Variants in POU6F2 observed in about 807,000 individuals in gnomAD.
POU6F2 encodes POU domain, class 6, transcription factor 2.
In POU6F2, 31 loss-of-function variants were observed where a neutral mutation model predicts 71.3. The observed-to-expected ratio is 0.43, with a 90% CI of 0.33 to 0.59. The LOEUF is 0.59. Ranked by LOEUF, POU6F2 falls within the 20% of genes least tolerant of loss-of-function variation. The probability of loss-of-function intolerance (pLI) is 0.04; values close to 1 mark genes in which losing one functional copy is unlikely to be tolerated. For missense variants in POU6F2, 783 were observed against 856.8 expected (o/e 0.91, Z 1.07); for synonymous variants, 347 against 355.7 (o/e 0.98, Z 0.27).
At chr7:39,180,270 A>C (rs1376064972) in intron 2 of POU6F2, among the ~76,000 whole-genome samples, 3 of 152,246 alleles carry the variant, frequency 2.0e-5, no homozygotes, top group Admixed American at 6.5e-5. Context: ...CCGAAGATTT[A>C]ATGAGATATT....
At chr7:39,221,095 G>T (rs1794345637) in intron 4 of POU6F2, among the ~76,000 whole-genome samples, 1 of 151,952 alleles carries the variant, frequency 6.6e-6, no homozygotes, top group Non-Finnish European at 1.5e-5. Flanking sequence ...ATTTTAAATT[G>T]CATGGGTGGC....
At chr7:39,249,502 C>T (rs371113970) in intron 4 of POU6F2, among the ~76,000 whole-genome samples, 14 of 152,262 alleles carry the variant, frequency 9.2e-5, no homozygotes, top group African/African-American at 2.4e-4. Context: ...GATTACATTA[C>T]GCCTTTGATT....
In POU6F2 at chr7:39,313,257, C is replaced by T. The variant is rs115014378; in HGVS notation, c.599-26385C>T. 4.5e-3 allele frequency among the ~76,000 whole-genome samples: 687 copies of T among 152,296 alleles called. 3 individuals carry two copies. The highest frequency in any genetic ancestry group is 0.016 in the African/African-American group (654 of 41,574). On this transcript the variant is annotated intron_variant, in intron 4 of 9. Coordinates refer to ENST00000518318, the MANE Select transcript of POU6F2 (RefSeq NM_001370959.1). ...CAACCCAACCACACCTCAGGCCTTGCACCATTGCCTCTGCCTCAAGGGTTC... is the reference window on the plus strand; with the variant it reads ...CAACCCAACCACACCTCAGGCCTTGTACCATTGCCTCTGCCTCAAGGGTTC...
At chr7:39,160,710 TG>T (rs1252105105) in intron 2 of POU6F2, among the ~76,000 whole-genome samples, 1 of 152,194 alleles carries the variant, frequency 6.6e-6, no homozygotes, top group African/African-American at 2.4e-5. Context: ...ATTAATTCTT[TG>T]GGATTAACTT....
In POU6F2 at chr7:39,163,604, C is replaced by A. The variant is rs79347467; in HGVS notation, c.278-40631C>A. ...TCTATTAAAATAAAAAATAAATAAA[C>A]CTCTCTTGGTTTCAGTTTCATCTTT... On this transcript the variant is annotated intron_variant, in intron 2 of 9. Transcript: ENST00000518318. Among the ~76,000 whole-genome samples, 459 of 152,306 alleles carry A rather than the reference C, an allele frequency of 3.0e-3. 7 individuals carry two copies. Among genetic ancestry groups the A allele is most frequent in the East Asian group, 0.019 (97 of 5,180 alleles).
chr7:39,193,717 C>G (rs927235479), intron 2 of POU6F2, among the ~76,000 whole-genome samples: 9 of 152,174 alleles, frequency 5.9e-5, no homozygotes, highest in African/African-American at 2.2e-4. Context: ...TCGATGGCAG[C>G]TATTGCAAAA....
At chr7:39,252,140 A>G (rs1390607341) in intron 4 of POU6F2, among the ~76,000 whole-genome samples, 1 of 151,998 alleles carries the variant, frequency 6.6e-6, no homozygotes, top group East Asian at 1.9e-4. Context: ...AGATCAGCAC[A>G]TCATGAGAAA....
At chr7:39,144,241 A>T (rs1375958346) in intron 2 of POU6F2, among the ~76,000 whole-genome samples, 1 of 152,218 alleles carries the variant, frequency 6.6e-6, no homozygotes, top group Non-Finnish European at 1.5e-5. Flanking sequence ...TATGATAAGA[A>T]GTATTGAGAT....
intron 2 of POU6F2, among the ~76,000 whole-genome samples, chr7:39,165,951 G>A (rs1307946333): frequency 6.6e-6 from 1 of 152,162 alleles, no homozygotes; most frequent in Non-Finnish European, 1.5e-5. Flanking sequence ...TTTGTAGTAA[G>A]CAAACCACAT....
chr7:39,327,361 T>C (rs972497108), intron 4 of POU6F2, among the ~76,000 whole-genome samples: 6 of 152,144 alleles, frequency 3.9e-5, no homozygotes, highest in Admixed American at 6.5e-5. Context: ...TTTTTATCAG[T>C]CAAGGATGTT....
chr7:39,353,564 G>A (rs906163691), intron 5 of POU6F2, among the ~76,000 whole-genome samples: 4 of 152,208 alleles, frequency 2.6e-5, no homozygotes, highest in Admixed American at 6.5e-5. Context: ...CACTTATGGG[G>A]TGATCCATGT....
At chr7:39,281,868 G>A (rs1227151660) in intron 4 of POU6F2, among the ~76,000 whole-genome samples, 3 of 152,004 alleles carry the variant, frequency 2.0e-5, no homozygotes, top group South Asian at 2.1e-4. Context: ...AATTTTTTTA[G>A]TAAACCCCAT....
intron 4 of POU6F2, among the ~76,000 whole-genome samples, chr7:39,253,283 A>T (rs1191548639): frequency 1.3e-5 from 2 of 152,194 alleles, no homozygotes; most frequent in African/African-American, 4.8e-5. Flanking sequence ...TCTTTGCCTC[A>T]TGCTAGAATC....
chr7:39,026,958 C>T (rs1789820143), intron 1 of POU6F2, among the ~76,000 whole-genome samples: 1 of 152,146 alleles, frequency 6.6e-6, no homozygotes, highest in South Asian at 2.1e-4. Flanking sequence ...AGTGTCTCCT[C>T]TGATACTCAG....
chr7:39,443,169 C>T (rs1788444304), intron 7 of POU6F2, among the ~76,000 whole-genome samples: 1 of 152,154 alleles, frequency 6.6e-6, no homozygotes, highest in Non-Finnish European at 1.5e-5. Flanking sequence ...GCTAGTCTAA[C>T]CACCACCACT....
chr7:39,188,233 A>T (rs1318751581), intron 2 of POU6F2, among the ~76,000 whole-genome samples: 1 of 152,222 alleles, frequency 6.6e-6, no homozygotes, highest in African/African-American at 2.4e-5. Flanking sequence ...TAAATAACTT[A>T]TCAAAAATCA....
At chr7:39,450,038 G>T (rs1350751938) in intron 7 of POU6F2, among the ~76,000 whole-genome samples, 1 of 152,174 alleles carries the variant, frequency 6.6e-6, no homozygotes, top group Non-Finnish European at 1.5e-5. Context: ...GTGGTTTCAC[G>T]TGTGTACACA....
intron 2 of POU6F2, among the ~76,000 whole-genome samples, chr7:39,170,442 G>A (rs1215154971): frequency 6.6e-6 from 1 of 152,118 alleles, no homozygotes; most frequent in Non-Finnish European, 1.5e-5. Context: ...ATATGGCTAG[G>A]ACAACTAAAA....
intron 2 of POU6F2, among the ~76,000 whole-genome samples, chr7:39,186,169 T>C (rs1327258394): frequency 6.6e-6 from 1 of 152,132 alleles, no homozygotes; most frequent in African/African-American, 2.4e-5. Context: ...AATGAACAAA[T>C]TTCAGATGAT....
Sources: gnomAD v4.1 joint callset for allele counts (sites outside exome capture counted in the v4.1 genomes callset) on GRCh38, gnomAD v4.1.1 for gene constraint, MANE v1.5 for transcripts, NCBI Gene and HGNC (gene_info 2026-07-23, HGNC 2026-07-21) for gene names.